PCNT: variants seen among roughly 807,000 people sequenced by gnomAD.
PCNT encodes kendrin.
PCNT carries 319 observed loss-of-function variants against 380.4 expected under a neutral mutation model. That is an observed-to-expected ratio of 0.84 (90% CI 0.77 to 0.92). The LOEUF is 0.92. Ranked by LOEUF, PCNT falls within the 40% of genes least tolerant of loss-of-function variation. The pLI, the probability that PCNT is intolerant of heterozygous loss-of-function variation, is 0.00. For missense variants in PCNT, 4,400 were observed against 4,255.3 expected, an observed-to-expected ratio of 1.03 and a Z score of -0.95; for synonymous variants, 1,845 against 1,735.2, an observed-to-expected ratio of 1.06 and a Z score of -1.57.
At chr21:46,427,545 A>G (rs556868553) in intron 33 of PCNT, 77 bp from the exon 34 acceptor site, 52 of 1,561,208 alleles carry the variant, frequency 3.3e-5, no homozygotes, top group Non-Finnish European at 4.3e-5. Flanking sequence ...CTCCAAACGC[A>G]GTCACACTGC....
intron 33 of PCNT, among the ~76,000 whole-genome samples, chr21:46,426,335 G>T (rs1349428477): frequency 1.3e-5 from 2 of 152,088 alleles, no homozygotes; most frequent in South Asian, 2.1e-4. Flanking sequence ...CCTGGCCTAG[G>T]ATTTTTTTTA....
Position 46,324,176 on chromosome 21 carries a change from T to A in PCNT, c.-53T>A. The A allele has an allele frequency of 6.7e-7, 1 of 1,488,048 alleles. No homozygotes were observed. Among genetic ancestry groups the A allele is most frequent in the Non-Finnish European group, 9.3e-7 (1 of 1,075,682 alleles). 92.2% of individuals were successfully genotyped at this position (1,488,048 alleles called of 1,614,324 possible). On this transcript the variant is annotated 5_prime_UTR_variant, in exon 1 of 47. Coordinates refer to ENST00000359568, the MANE Select transcript of PCNT (RefSeq NM_006031.6). ...GAGGGAGTGTAAATAGAGCGAAGGCTGCTCTGTGTCAGCCCCGTCACCGCC... is the reference window on the plus strand; with the variant it reads ...GAGGGAGTGTAAATAGAGCGAAGGCAGCTCTGTGTCAGCCCCGTCACCGCC...
At chr21:46,358,982 G>C (rs1056392802) in intron 13 of PCNT, among the ~76,000 whole-genome samples, 2 of 142,424 alleles carry the variant, frequency 1.4e-5, no homozygotes, top group Non-Finnish European at 3.1e-5. Context: ...TTTTTTTTTT[G>C]TATCTTTAGT....
In PCNT at chr21:46,382,239, T is replaced by C. The variant is rs566375299; in HGVS notation, c.3312+399T>C. The stretch of plus-strand genomic sequence containing the variant: ...CGCATTCATAGTGTTCTGCATTCAG[T>C]GGCGGAAGCCCATTCACGGTGTTGT... On this transcript the variant is annotated intron_variant, in intron 16 of 46. Transcript: ENST00000359568. 3.7e-4 allele frequency among the ~76,000 whole-genome samples: 54 copies of C among 146,206 alleles called. 1 individual carries two copies. The highest frequency in any genetic ancestry group is 1.3e-3 in the African/African-American group (52 of 39,986).
chr21:46,404,248 C>A (rs1444045260), intron 27 of PCNT, among the ~76,000 whole-genome samples: 3 of 152,150 alleles, frequency 2.0e-5, no homozygotes, highest in African/African-American at 4.8e-5. Context: ...ACAATAACAA[C>A]AAAAAAAATT....
rs938034947 is a variant in PCNT, at chr21:46,388,377, G to C, written c.3465-365G>C. 3.3e-5 allele frequency among the ~76,000 whole-genome samples: 5 copies of C among 152,312 alleles called. No homozygotes were observed. Among genetic ancestry groups the C allele is most frequent in the Non-Finnish European group, 7.4e-5 (5 of 68,016 alleles). On this transcript the variant is annotated intron_variant, in intron 17 of 46. Coordinates refer to ENST00000359568, the MANE Select transcript of PCNT (RefSeq NM_006031.6). This position sits in a 1 kb window ranked among gnomAD's most constrained non-coding sequence, Gnocchi z 4.2. ...GAAATGGCTGGCTGGTGCACCCTGT[G>C]CTCCAGGGGAGGGGCGGAGCCTGTG...
chr21:46,332,388 A>T (rs751239946), intron 2 of PCNT, among the ~76,000 whole-genome samples: 1 of 152,214 alleles, frequency 6.6e-6, no homozygotes, highest in Non-Finnish European at 1.5e-5. Context: ...AAGTTGTTTT[A>T]CACGTAATTT....
At chr21:46,353,850 C>CACATGG (rs1325037518) in intron 10 of PCNT, 137 bp from the exon 11 acceptor site, 1 of 756,944 alleles carries the variant, frequency 1.3e-6, no homozygotes, top group Admixed American at 2.0e-5. Flanking sequence ...CGGCTCCCCG[C>CACATGG]ACATGGACAT....
chr21:46,370,034 T>C (rs1307265071), intron 15 of PCNT, among the ~76,000 whole-genome samples: 3 of 152,188 alleles, frequency 2.0e-5, no homozygotes, highest in African/African-American at 4.8e-5. Flanking sequence ...GCTCCACGTG[T>C]GTGGTTCCCA....
In PCNT at chr21:46,411,850, G is replaced by A; in HGVS notation, c.5777G>A (p.Cys1926Tyr). ...PPELQWLRAQ[C>Y]ARLSRQLQVL... ...GAGCTGCAGTGGCTCCGAGCGCAGTGTGCCCGCCTCAGCCGCCAGCTGCAG... is the reference window on the plus strand; with the variant it reads ...GAGCTGCAGTGGCTCCGAGCGCAGTATGCCCGCCTCAGCCGCCAGCTGCAG... The change falls in exon 28 of 47, where the codon TGT (cysteine) becomes TAT (tyrosine). Residue 1926 changes from cysteine (C) to tyrosine (Y), a missense_variant. Physicochemically the swap from Cys to Tyr is radical, Grantham distance 194. Coordinates refer to ENST00000359568, the MANE Select transcript of PCNT (RefSeq NM_006031.6). 6.4e-7 allele frequency: 1 copy of A among 1,558,646 alleles called. No homozygotes were observed. Among genetic ancestry groups the A allele is most frequent in the South Asian group, 1.1e-5 (1 of 87,778 alleles).
rs373693672 is a variant in PCNT, at chr21:46,388,849, T to C, written c.3572T>C (p.Leu1191Pro). Residue 1191 changes from leucine (L) to proline (P), a missense_variant, in exon 18 of 47, where the codon CTG becomes CCG. Leu to Pro is a moderately conservative substitution (Grantham distance 98, BLOSUM62 -3). Transcript: ENST00000359568. The surrounding 1 kb of genome is among the most constrained non-coding windows in gnomAD (Gnocchi z 4.2). ...ATCGGGGAGCGCGTGGGGCTCTGCC[T>C]GGATGACGCGGGCGCAGGCCTGGCC... ...SRIGERVGLCLDDAGAGLALS... is the reference protein window; with the variant it reads ...SRIGERVGLCPDDAGAGLALS... 5.0e-6 allele frequency: 8 copies of C among 1,610,538 alleles called. No individual in the cohort carries two copies. The African/African-American group carries it at 9.3e-5, about 19-fold the overall frequency.
intron 27 of PCNT, among the ~76,000 whole-genome samples, chr21:46,403,772 G>A (rs13051820): frequency 7.4e-6 from 1 of 135,710 alleles, no homozygotes; most frequent in Non-Finnish European, 1.6e-5. Context: ...CTCGGTGAAT[G>A]AACACAGCGT....
Position 46,367,102 on chromosome 21 carries a change from C to T in PCNT, c.3128C>T (p.Ala1043Val). The change falls in exon 15 of 47, where the codon GCC (alanine) becomes GTC (valine). Residue 1043 changes from alanine (A) to valine (V), a missense_variant. Physicochemically the swap from Ala to Val is moderately conservative, Grantham distance 64. Transcript: ENST00000359568. ...HLRTEVSTEL[A>V]GTVAHELQGV... is the part of the protein sequence containing the mutation. ...CGAACCGAAGTGAGCACAGAGCTCG[C>T]CGGAACCGTGGCTCACGAGCTGCAG... 1 of 1,613,544 alleles carries T rather than the reference C, an allele frequency of 6.2e-7. No individual in the cohort carries two copies. Among genetic ancestry groups the T allele is most frequent in the Non-Finnish European group, 8.5e-7 (1 of 1,180,026 alleles).
At chr21:46,326,618 ATTTCGC>A (rs1569153584) in intron 2 of PCNT, 29 bp downstream of exon 2, 1 of 1,595,848 alleles carries the variant, frequency 6.3e-7, no homozygotes, top group Admixed American at 1.7e-5. Context: ...GTATTTGAAC[ATTTCGC>A]TTATCTTCTA....
In PCNT at chr21:46,363,640, T is replaced by C. The variant is rs1396123912; in HGVS notation, c.2315T>C (p.Leu772Pro). The C allele has an allele frequency of 1.9e-6, 3 of 1,614,068 alleles. No homozygotes were observed. Among genetic ancestry groups the C allele is most frequent in the Non-Finnish European group, 2.5e-6 (3 of 1,180,042 alleles). ...EAEEKLTLML[L>P]ELREKAESEK... ...GAGGAGAAGTTAACATTGATGCTACTTGAACTGAGAGAAAAGGCTGAATCC... is the reference window on the plus strand; with the variant it reads ...GAGGAGAAGTTAACATTGATGCTACCTGAACTGAGAGAAAAGGCTGAATCC... The change falls in exon 14 of 47, where the codon CTT becomes CCT. Residue 772 changes from leucine (L) to proline (P), a missense_variant. Leu to Pro is a moderately conservative substitution (Grantham distance 98). Coordinates refer to ENST00000359568, the MANE Select transcript of PCNT (RefSeq NM_006031.6).
intron 25 of PCNT, among the ~76,000 whole-genome samples, chr21:46,400,171 A>G (rs918429089): frequency 6.6e-6 from 1 of 152,114 alleles, no homozygotes; most frequent in African/African-American, 2.4e-5. Context: ...GAGCTCAGGA[A>G]CTCATGTCAG....
chr21:46,413,363 G>C (rs999019571), intron 29 of PCNT, among the ~76,000 whole-genome samples: 1 of 151,548 alleles, frequency 6.6e-6, no homozygotes, highest in Non-Finnish European at 1.5e-5. Context: ...TGTGGGGAGG[G>C]GGGAAGGCGT....
In PCNT at chr21:46,334,248, C is replaced by T. The variant is rs757085279; in HGVS notation, c.268-149C>T. Reference sequence around the variant, plus strand: ...GTTTAGAGCTTGGGAATTGTTAATGCGGAAGGTGCACGTTCTGAACAGGTG... The same window carrying T: ...GTTTAGAGCTTGGGAATTGTTAATGTGGAAGGTGCACGTTCTGAACAGGTG... On this transcript the variant is annotated intron_variant, in intron 2 of 46. Transcript: ENST00000359568. 3.8e-5 allele frequency: 38 copies of T among 1,005,478 alleles called. 1 individual carries two copies. The highest frequency in any genetic ancestry group is 4.8e-5 in the East Asian group (2 of 41,402). The allele number at this position is 1,005,478 out of a possible 1,614,324, so 62.3% of individuals were successfully genotyped here. A position where few individuals can be genotyped will look rare whatever the true frequency, so the allele number is the denominator to read the frequency against.
intron 33 of PCNT, among the ~76,000 whole-genome samples, chr21:46,426,816 C>T (rs368912410): frequency 2.0e-5 from 3 of 152,228 alleles, no homozygotes; most frequent in East Asian, 3.8e-4. Context: ...CGCTCCCTCC[C>T]ATCTCCGTGC....
Sources: allele counts gnomAD v4.1 joint callset (sites outside exome capture counted in the v4.1 genomes callset), GRCh38; gene constraint gnomAD v4.1.1; non-coding constraint Gnocchi (gnomAD v3.1); transcripts MANE v1.5; gene names NCBI Gene and HGNC (gene_info 2026-07-23, HGNC 2026-07-21).